Variants in PCDHA13 observed in about 807,000 individuals in gnomAD.
PCDHA13 encodes the protein protocadherin alpha-13.
Under a neutral mutation model 64.8 loss-of-function variants are expected in PCDHA13, and 54 were observed. The observed-to-expected ratio is 0.83, with a 90% CI of 0.67 to 1.04. PCDHA13 has a LOEUF of 1.04. Ranked by LOEUF, PCDHA13 falls within the 50% of genes least tolerant of loss-of-function variation. The probability of loss-of-function intolerance (pLI) is 0.00; values close to 1 mark genes in which losing one functional copy is unlikely to be tolerated. For missense variants in PCDHA13, 1,248 were observed against 1,254.3 expected (o/e 0.99, Z 0.08); for synonymous variants, 587 against 564.4 (o/e 1.04, Z -0.57).
At chr5:140,965,442 G>A (rs782186943) in intron 1 of PCDHA13, among the ~76,000 whole-genome samples, 3 of 151,978 alleles carry the variant, frequency 2.0e-5, no homozygotes, top group Non-Finnish European at 4.4e-5. Flanking sequence ...CATTGAAATT[G>A]CTGGTTATTG....
intron 1 of PCDHA13, among the ~76,000 whole-genome samples, chr5:140,905,589 G>T (rs1336272963): frequency 4.6e-5 from 7 of 152,084 alleles, no homozygotes; most frequent in African/African-American, 1.7e-4. Context: ...ATGATATTTT[G>T]CTGGGAATTG....
At chr5:140,924,675 A>G (rs2081950007) in intron 1 of PCDHA13, among the ~76,000 whole-genome samples, 1 of 152,152 alleles carries the variant, frequency 6.6e-6, no homozygotes, top group Non-Finnish European at 1.5e-5. Flanking sequence ...CAGGCCAATC[A>G]CTTGAGGTCA....
chr5:140,952,821 A>G (rs269545), intron 1 of PCDHA13, among the ~76,000 whole-genome samples: 31,238 of 152,098 alleles, frequency 0.21, 3,965 homozygotes, highest in African/African-American at 0.36. Context: ...CTGTACAGGA[A>G]GCATGATGCT....
Position 140,883,942 on chromosome 5 carries a change from G to A in PCDHA13, c.1674G>A (p.Glu558=), listed in dbSNP as rs1223058684. 1.9e-6 allele frequency: 3 copies of A among 1,613,328 alleles called. No homozygotes were observed. The highest frequency in any genetic ancestry group is 2.7e-5 in the African/African-American group (2 of 74,938). Residue 558 remains glutamate (E), a synonymous_variant, in exon 1 of 4, where the codon GAG becomes GAA. Transcript: ENST00000289272. Reference sequence around the variant, plus strand: ...CGCTGCAGGTGTTCGTGCTGGACGAGAACGACAACGCTCCGGCGCTGCTGA... The same window carrying A: ...CGCTGCAGGTGTTCGTGCTGGACGAAAACGACAACGCTCCGGCGCTGCTGA... The part of the protein sequence containing the change: ...NVTLQVFVLD[E]NDNAPALLTP...
intron 1 of PCDHA13, among the ~76,000 whole-genome samples, chr5:140,915,115 A>T (rs2076990702): frequency 1.3e-5 from 2 of 151,346 alleles, no homozygotes; most frequent in African/African-American, 4.9e-5. Context: ...CACCCACCTA[A>T]TTTTTATATT....
intron 1 of PCDHA13, among the ~76,000 whole-genome samples, chr5:140,976,780 A>G (rs2096731008): frequency 6.6e-6 from 1 of 152,224 alleles, no homozygotes; most frequent in Non-Finnish European, 1.5e-5. Context: ...CTCTGACTAT[A>G]TAGCTACGCT....
At position 140,947,028 on chromosome 5, in the gene PCDHA13, T is replaced by C. The variant is rs111523441; in HGVS notation, c.2395-31921T>C. Among the ~76,000 whole-genome samples the C allele has an allele frequency of 4.6e-3, 693 of 151,852 alleles. 1 individual carries two copies. Among genetic ancestry groups the C allele is most frequent in the Middle Eastern group, 6.8e-3 (2 of 294 alleles). ...AATGATAAATGTTTGAGGTAATGGA[T>C]ATACTAATTACCCTGATTTGATCAT... On this transcript the variant is annotated intron_variant, in intron 1 of 3. Transcript: ENST00000289272.
intron 1 of PCDHA13, among the ~76,000 whole-genome samples, chr5:140,886,192 G>A (rs2060891690): frequency 6.6e-6 from 1 of 152,118 alleles, no homozygotes; most frequent in Non-Finnish European, 1.5e-5. Context: ...CTGGCAAGCA[G>A]TAATCTGTTC....
intron 1 of PCDHA13, among the ~76,000 whole-genome samples, chr5:140,887,801 G>C (rs1377550372): frequency 1.3e-5 from 2 of 151,856 alleles, no homozygotes; most frequent in Admixed American, 1.3e-4. Context: ...CTTTATTTTT[G>C]TCCATTTCTT....
chr5:140,966,924 C>T (rs1554228895), intron 1 of PCDHA13: 2 of 1,602,624 alleles, frequency 1.2e-6, no homozygotes, highest in Admixed American at 1.7e-5. Context: ...GAGGAGCAGG[C>T]ACCCGGCGCG....
chr5:140,960,708 T>C (rs578004240), intron 1 of PCDHA13, among the ~76,000 whole-genome samples: 1 of 152,142 alleles, frequency 6.6e-6, no homozygotes, highest in Non-Finnish European at 1.5e-5. Context: ...TAGTGCCAAA[T>C]ACTCATCTTA....
At position 140,960,310 on chromosome 5, in the gene PCDHA13, C is replaced by A. The variant is rs143765051; in HGVS notation, c.2395-18639C>A. Among the ~76,000 whole-genome samples, 659 of 152,264 alleles carry A rather than the reference C, an allele frequency of 4.3e-3. 9 individuals are homozygous for A. Among genetic ancestry groups the A allele is most frequent in the Admixed American group, 4.1e-3 (63 of 15,288 alleles). ...CCAGTTTCTTCATCAATACCAACCTCATTAGGGTCCTGTGAGAAGTACATG... is the reference window on the plus strand; with the variant it reads ...CCAGTTTCTTCATCAATACCAACCTAATTAGGGTCCTGTGAGAAGTACATG... On this transcript the variant is annotated intron_variant, in intron 1 of 3. Transcript: ENST00000289272.
At chr5:140,932,727 A>G (rs927294598) in intron 1 of PCDHA13, among the ~76,000 whole-genome samples, 2 of 151,954 alleles carry the variant, frequency 1.3e-5, no homozygotes, top group Non-Finnish European at 2.9e-5. Flanking sequence ...ATTGTATAAT[A>G]TAGACCCTCA....
At chr5:141,003,122 C>A (rs782642950) in intron 3 of PCDHA13, among the ~76,000 whole-genome samples, 57 of 152,318 alleles carry the variant, frequency 3.7e-4, no homozygotes, top group African/African-American at 9.6e-4. Context: ...TGGCCCTTTC[C>A]TGGCATTTGC....
chr5:141,004,403 C>T (rs1424370254), intron 3 of PCDHA13, among the ~76,000 whole-genome samples: 1 of 152,166 alleles, frequency 6.6e-6, no homozygotes, highest in Non-Finnish European at 1.5e-5. Flanking sequence ...GGAGGAGGCA[C>T]CTGACTAGAT....
At chr5:140,976,454 G>A (rs550788004) in intron 1 of PCDHA13, among the ~76,000 whole-genome samples, 18 of 152,214 alleles carry the variant, frequency 1.2e-4, no homozygotes, top group South Asian at 2.1e-4. Flanking sequence ...GGGAGGCTGG[G>A]GAAGAAGAAT....
Position 140,883,341 on chromosome 5 carries a change from C to G in PCDHA13, c.1073C>G (p.Pro358Arg). The change falls in exon 1 of 4, where the codon CCC becomes CGC. Residue 358 changes from proline (P) to arginine (R), a missense_variant. Pro to Arg is a moderately radical substitution (Grantham distance 103). Transcript: ENST00000289272. ...GTTACCATCACTTCTTTGTCACTCC[C>G]CATCAGAGAAGACACTCAGCCTAGC... is the stretch of plus-strand genomic sequence containing the variant. Reference protein sequence around the residue: ...PEVTITSLSLPIREDTQPSAI... With the variant: ...PEVTITSLSLRIREDTQPSAI... 1 of 1,614,144 alleles carries G rather than the reference C, an allele frequency of 6.2e-7. No homozygotes were observed. The highest frequency in any genetic ancestry group is 8.5e-7 in the Non-Finnish European group (1 of 1,180,020).
At chr5:140,912,061 C>T (rs1321149990) in intron 1 of PCDHA13, among the ~76,000 whole-genome samples, 2 of 152,162 alleles carry the variant, frequency 1.3e-5, no homozygotes, top group Non-Finnish European at 2.9e-5. Context: ...AACTTGGAGT[C>T]CAATGTTCAA....
chr5:141,003,638 G>C (rs2098132492), intron 3 of PCDHA13, among the ~76,000 whole-genome samples: 1 of 152,118 alleles, frequency 6.6e-6, no homozygotes, highest in Admixed American at 6.6e-5. Flanking sequence ...TAAAGTAGAA[G>C]TGAAGATCTG....
Sources: gnomAD v4.1 joint callset for allele counts (sites outside exome capture counted in the v4.1 genomes callset) on GRCh38, gnomAD v4.1.1 for gene constraint, MANE v1.5 for transcripts, NCBI Gene and HGNC (gene_info 2026-07-23, HGNC 2026-07-21) for gene names.